GREB1: variants seen among roughly 807,000 people sequenced by gnomAD.
GREB1 encodes the protein growth regulating estrogen receptor binding 1.
Under a neutral mutation model 200.7 loss-of-function variants are expected in GREB1, and 106 were observed. The ratio of observed to expected loss-of-function variants is 0.53; its 90% CI spans 0.45 to 0.62. GREB1 has a LOEUF of 0.62. Ranked by LOEUF, GREB1 falls within the 20% of genes least tolerant of loss-of-function variation. GREB1 has a pLI of 0.00. For missense variants in GREB1, 2,243 were observed against 2,556.8 expected (o/e 0.88, Z 2.65); for synonymous variants, 1,132 against 1,092.4 (o/e 1.04, Z -0.72).
At chr2:11,567,558 A>G (rs1375014779) in intron 4 of GREB1, among the ~76,000 whole-genome samples, 1 of 152,172 alleles carries the variant, frequency 6.6e-6, no homozygotes, top group Non-Finnish European at 1.5e-5. Context: ...ACCCGGTACC[A>G]TCCCACGTGG....
chr2:11,538,372 T>A (rs1224000491), intron 1 of GREB1, among the ~76,000 whole-genome samples: 1 of 43,382 alleles, frequency 2.3e-5, no homozygotes, highest in Non-Finnish European at 8.7e-5. Context: ...CTCTTTAACC[T>A]TTTTTTACAA....
chr2:11,593,093 A>C lies in GREB1; in HGVS notation c.1663A>C (p.Ser555Arg). 1 of 1,609,296 alleles carries C rather than the reference A, an allele frequency of 6.2e-7. No individual in the cohort carries two copies. Among genetic ancestry groups the C allele is most frequent in the Admixed American group, 1.7e-5 (1 of 59,820 alleles). The change falls in exon 11 of 33, where the codon AGC (serine) becomes CGC (arginine). Residue 555 changes from serine (S) to arginine (R), a missense_variant. Ser to Arg is a moderately radical substitution (Grantham distance 110). Transcript: ENST00000381486. ...CGTGGTCATCATCTGCGCCTGCCGC[A>C]GCGCGGCCATCGACTCCTGCATCGC... ...NYVVIICACRSAAIDSCIAVT... is the reference protein window; with the variant it reads ...NYVVIICACRRAAIDSCIAVT...
intron 1 of GREB1, among the ~76,000 whole-genome samples, chr2:11,523,599 C>G (rs1313823731): frequency 6.6e-6 from 1 of 152,024 alleles, no homozygotes; most frequent in African/African-American, 2.4e-5. Context: ...CTTAACTGTC[C>G]TTGAGTTCTA....
intron 1 of GREB1, among the ~76,000 whole-genome samples, chr2:11,521,659 G>A (rs1673709180): frequency 1.3e-5 from 2 of 152,180 alleles, no homozygotes; most frequent in South Asian, 2.1e-4. Flanking sequence ...CAAAAAATCA[G>A]CTACGGAGCC....
At chr2:11,576,325 G>T (rs1413015194) in intron 4 of GREB1, 28 bp from the exon 5 acceptor site, 1 of 1,539,310 alleles carries the variant, frequency 6.5e-7, no homozygotes, top group Non-Finnish European at 8.8e-7. Flanking sequence ...AAAAAAGAAA[G>T]ATGTTTATGG....
chr2:11,491,550 A>C (rs1214069396), intron 1 of GREB1, among the ~76,000 whole-genome samples: 1 of 152,248 alleles, frequency 6.6e-6, no homozygotes, highest in African/African-American at 2.4e-5. Flanking sequence ...AGAGAGGATT[A>C]GAAGCATGTT....
At chr2:11,613,951 C>A (rs1683160560) in intron 19 of GREB1, among the ~76,000 whole-genome samples, 1 of 152,148 alleles carries the variant, frequency 6.6e-6, no homozygotes, top group Non-Finnish European at 1.5e-5. Context: ...TTCTGCTGCG[C>A]AAGTCTGAGC....
chr2:11,602,323 G>A (rs963608209), intron 16 of GREB1, 83 bp from the exon 17 acceptor site: 4 of 1,268,734 alleles, frequency 3.2e-6, no homozygotes, highest in African/African-American at 1.5e-5. Context: ...GCCAACCCAG[G>A]TCATCCGCAG....
Position 11,633,149 on chromosome 2 carries a change from C to T in GREB1, c.4991+86C>T, listed in dbSNP as rs1157749231. On this transcript the variant is annotated intron_variant, in intron 28 of 32. Coordinates refer to ENST00000381486, the MANE Select transcript of GREB1 (RefSeq NM_014668.4). The surrounding 1 kb of genome is among the most constrained non-coding windows in gnomAD (Gnocchi z 4.1). ...CCTCTTTGTATGGGGAATGTGCCCA[C>T]CCCTGGAAGACCGGAGGGCCTCTCA... 2 of 1,340,128 alleles carry T rather than the reference C, an allele frequency of 1.5e-6. No individual in the cohort carries two copies. The highest frequency in any genetic ancestry group is 1.1e-6 in the Non-Finnish European group (1 of 944,632). 83.0% of individuals were successfully genotyped at this position (1,340,128 alleles called of 1,614,324 possible). A position where few individuals can be genotyped will look rare whatever the true frequency, so the allele number is the denominator to read the frequency against.
chr2:11,576,584 T>G, intron 5 of GREB1, 49 bp downstream of exon 5: 1 of 1,446,812 alleles, frequency 6.9e-7, no homozygotes, highest in Non-Finnish European at 9.6e-7. Flanking sequence ...GGCCCCCAAG[T>G]GGGCCGTGGT....
chr2:11,551,710 G>A (rs1023433888), intron 1 of GREB1, among the ~76,000 whole-genome samples: 1 of 152,102 alleles, frequency 6.6e-6, no homozygotes, highest in African/African-American at 2.4e-5. Context: ...CTACTCAGTG[G>A]TCTAGTGGTT....
In GREB1 at chr2:11,580,940, G is replaced by GAT. The variant is rs1272119368; in HGVS notation, c.901+109_901+110dup. On this transcript the variant is annotated intron_variant, in intron 7 of 32. Transcript: ENST00000381486. This position sits in a 1 kb window ranked among gnomAD's most constrained non-coding sequence, Gnocchi z 4.5. Reference sequence around the variant, plus strand: ...GGGGCCGCTGAGCCTCCTGGAGTCTGATGTGGCTTCCATGAGAGTCAGGCC... The same window carrying GAT: ...GGGGCCGCTGAGCCTCCTGGAGTCTGATATGTGGCTTCCATGAGAGTCAGGCC... 7 of 1,385,022 alleles carry GAT rather than the reference G, an allele frequency of 5.1e-6. No individual in the cohort carries two copies. The African/African-American group carries it at 1.0e-4, about 20-fold the overall frequency. The allele number at this position is 1,385,022 out of a possible 1,614,324, so 85.8% of individuals were successfully genotyped here.
Position 11,566,447 on chromosome 2 carries a change from G to A in GREB1, c.278-33G>A, listed in dbSNP as rs765248678. On this transcript the variant is annotated intron_variant, in intron 3 of 32. Transcript: ENST00000381486. ...TGTGACCCCGCTTCTGGGAAGCCCT[G>A]GGCAGCGTGTGAACCCTGTCCACCC... 1.4e-5 allele frequency: 22 copies of A among 1,565,688 alleles called. No individual in the cohort carries two copies. In the South Asian group the frequency reaches 2.5e-4, roughly 18 times the overall value.
chr2:11,549,333 C>T (rs1260084891), intron 1 of GREB1, among the ~76,000 whole-genome samples: 1 of 152,018 alleles, frequency 6.6e-6, no homozygotes, highest in Non-Finnish European at 1.5e-5. Flanking sequence ...TGTGGGTATT[C>T]GGTGTCTGAT....
chr2:11,559,025 G>A (rs768717660), intron 2 of GREB1, among the ~76,000 whole-genome samples: 1 of 152,168 alleles, frequency 6.6e-6, no homozygotes, highest in Non-Finnish European at 1.5e-5. Flanking sequence ...TTTGGGATAA[G>A]TATTTATTCA....
At chr2:11,607,907 C>T (rs1349651243) in intron 17 of GREB1, among the ~76,000 whole-genome samples, 1 of 152,112 alleles carries the variant, frequency 6.6e-6, no homozygotes, top group East Asian at 1.9e-4. Context: ...AGTATTCAAA[C>T]ACCGCCAAGA....
In GREB1 at chr2:11,598,834, T is replaced by C. The variant is rs772620258; in HGVS notation, c.2307T>C (p.His769=). The C allele has an allele frequency of 6.2e-7, 1 of 1,614,184 alleles. No individual in the cohort carries two copies. The highest frequency in any genetic ancestry group is 8.5e-7 in the Non-Finnish European group (1 of 1,179,984). ...QNPHTLFVLI[H]DHAHWDLVSS... is the part of the protein sequence containing the mutation. ...CGCATACACTTTTTGTCCTAATCCA[T>C]GACCATGCGCACTGGGATCTTGTGA... The change falls in exon 15 of 33, where the codon CAT becomes CAC. Residue 769 remains histidine, a synonymous_variant. Transcript: ENST00000381486.
intron 1 of GREB1, among the ~76,000 whole-genome samples, chr2:11,495,965 G>C (rs1191143101): frequency 1.3e-5 from 2 of 152,064 alleles, no homozygotes; most frequent in Admixed American, 1.3e-4. Flanking sequence ...CCGTTTTCCA[G>C]GTGAGGATAA....
intron 1 of GREB1, among the ~76,000 whole-genome samples, chr2:11,537,258 C>T (rs760824691): frequency 5.9e-5 from 9 of 152,176 alleles, no homozygotes; most frequent in Middle Eastern, 3.2e-3. Context: ...GCCACCGCGC[C>T]GGCCGACATT....
Sources: gnomAD v4.1 joint callset for allele counts (sites outside exome capture counted in the v4.1 genomes callset) on GRCh38, gnomAD v4.1.1 for gene constraint, Gnocchi (gnomAD v3.1) non-coding constraint, MANE v1.5 for transcripts, NCBI Gene and HGNC (gene_info 2026-07-23, HGNC 2026-07-21) for gene names.